CNTN5: variants seen among roughly 807,000 people sequenced by gnomAD.
CNTN5 encodes contactin-5.
Under a neutral mutation model 129.1 loss-of-function variants are expected in CNTN5, and 77 were observed. The observed-to-expected ratio is 0.60, with a 90% CI of 0.50 to 0.72. The LOEUF (loss-of-function observed/expected upper bound fraction) is 0.72, where lower values mean the gene tolerates loss of function less well. Ranked by LOEUF, CNTN5 falls within the 30% of genes least tolerant of loss-of-function variation. The pLI, the probability that CNTN5 is intolerant of heterozygous loss-of-function variation, is 0.00. For missense variants in CNTN5, 1,478 were observed against 1,328.8 expected (o/e 1.11, Z -1.75); for synonymous variants, 509 against 465.6 (o/e 1.09, Z -1.20).
At chr11:99,309,170 ACTTTTT>A (rs993082583) in intron 1 of CNTN5, among the ~76,000 whole-genome samples, 18 of 150,140 alleles carry the variant, frequency 1.2e-4, no homozygotes, top group African/African-American at 4.4e-4. Context: ...AATATCAGTC[ACTTTTT>A]CTTTTTAAAT....
At position 100,351,388 on chromosome 11, in the gene CNTN5, G is replaced by T. The variant is rs74521869; in HGVS notation, c.3199+518G>T. On this transcript the variant is annotated intron_variant, in intron 24 of 24. Transcript: ENST00000524871. ...TGACCCTTATTATATGTCAGGCATG[G>T]TCAAAAGTGCTTTACATACATCATC... Among the ~76,000 whole-genome samples, 115 of 151,300 alleles carry T rather than the reference G, an allele frequency of 7.6e-4. 2 individuals carry two copies. The East Asian group carries it at 0.022, about 29-fold the overall frequency.
chr11:99,398,178 A>T (rs1941623836), intron 2 of CNTN5, among the ~76,000 whole-genome samples: 1 of 151,798 alleles, frequency 6.6e-6, no homozygotes, highest in Non-Finnish European at 1.5e-5. Context: ...CTTTGGACAA[A>T]CTTTAACAAT....
At chr11:99,643,850 AT>A (rs1421968567) in intron 3 of CNTN5, among the ~76,000 whole-genome samples, 2 of 17,188 alleles carry the variant, frequency 1.2e-4, no homozygotes, top group Non-Finnish European at 5.9e-4. Context: ...TTTCAAAATA[AT>A]TTTAATTAAA....
intron 1 of CNTN5, among the ~76,000 whole-genome samples, chr11:99,072,183 C>A (rs889244636): frequency 7.9e-5 from 12 of 152,022 alleles, no homozygotes; most frequent in African/African-American, 2.9e-4. Context: ...GGGAACTTTT[C>A]TTTGGTGATG....
intron 8 of CNTN5, among the ~76,000 whole-genome samples, chr11:99,993,917 A>G (rs1939284305): frequency 6.6e-6 from 1 of 152,214 alleles, no homozygotes. Context: ...AAAACCAGTT[A>G]TAATTTCTTG....
At chr11:100,039,587 C>T (rs1354626392) in intron 9 of CNTN5, among the ~76,000 whole-genome samples, 2 of 152,170 alleles carry the variant, frequency 1.3e-5, no homozygotes, top group African/African-American at 4.8e-5. Flanking sequence ...TCCATTCTCC[C>T]CGTCACTTTC....
intron 3 of CNTN5, among the ~76,000 whole-genome samples, chr11:99,760,945 A>AG (rs1365464096): frequency 2.0e-5 from 3 of 152,136 alleles, no homozygotes; most frequent in Admixed American, 2.0e-4. Context: ...AAAGAAAAAA[A>AG]CGTTTTCTAA....
chr11:99,511,938 G>T (rs180947725), intron 2 of CNTN5, among the ~76,000 whole-genome samples: 1 of 151,992 alleles, frequency 6.6e-6, no homozygotes, highest in African/African-American at 2.4e-5. Flanking sequence ...AATGTTATGA[G>T]TCAAAAAAGT....
chr11:99,960,929 A>T (rs931014845), intron 8 of CNTN5, among the ~76,000 whole-genome samples: 1 of 152,080 alleles, frequency 6.6e-6, no homozygotes, highest in African/African-American at 2.4e-5. Context: ...CAGGCCAGGC[A>T]CCGTGGCTCA....
intron 13 of CNTN5, among the ~76,000 whole-genome samples, chr11:100,152,138 C>A (rs1489870597): frequency 1.3e-5 from 2 of 152,142 alleles, no homozygotes; most frequent in African/African-American, 2.4e-5. Context: ...TGGCTGCCTG[C>A]CTGAATTGTT....
intron 1 of CNTN5, among the ~76,000 whole-genome samples, chr11:99,289,814 T>A (rs865812764): frequency 6.6e-6 from 1 of 151,846 alleles, no homozygotes; most frequent in Non-Finnish European, 1.5e-5. Context: ...GAAATGAATG[T>A]GTTTTCTCAT....
intron 2 of CNTN5, among the ~76,000 whole-genome samples, chr11:99,375,928 C>T (rs1940152237): frequency 6.6e-6 from 1 of 152,106 alleles, no homozygotes; most frequent in South Asian, 2.1e-4. Flanking sequence ...CATATTTAAT[C>T]TACCACAAAT....
chr11:99,133,513 A>G (rs565744295), intron 1 of CNTN5, among the ~76,000 whole-genome samples: 2 of 151,746 alleles, frequency 1.3e-5, no homozygotes, highest in Non-Finnish European at 2.9e-5. Context: ...TCTATCTGAC[A>G]AGGTCTAATA....
At position 99,782,510 on chromosome 11, in the gene CNTN5, G is replaced by A. The variant is rs907728819; in HGVS notation, c.56-37034G>A. ...TTCATATGGAACCAAAAAAGAGCCC[G>A]CATTGCCAAGTCAATCCTAAGCCAA... On this transcript the variant is annotated intron_variant, in intron 3 of 24. Coordinates refer to ENST00000524871, the MANE Select transcript of CNTN5 (RefSeq NM_014361.4). Among the ~76,000 whole-genome samples, 34 of 151,400 alleles carry A rather than the reference G, an allele frequency of 2.2e-4. No individual in the cohort carries two copies. The South Asian group carries it at 2.3e-3, about 10-fold the overall frequency.
At chr11:99,936,656 TG>T (rs1950322185) in intron 7 of CNTN5, among the ~76,000 whole-genome samples, 1 of 152,166 alleles carries the variant, frequency 6.6e-6, no homozygotes, top group African/African-American at 2.4e-5. Context: ...TCAGGGCATA[TG>T]GGGAGTAATA....
chr11:99,581,941 C>G (rs1312023122), intron 3 of CNTN5, among the ~76,000 whole-genome samples: 1 of 152,038 alleles, frequency 6.6e-6, no homozygotes, highest in East Asian at 1.9e-4. Context: ...TACAATTTGG[C>G]ATGTTTTTGC....
intron 7 of CNTN5, among the ~76,000 whole-genome samples, chr11:99,919,214 C>T (rs1171544603): frequency 1.3e-5 from 2 of 151,790 alleles, no homozygotes; most frequent in African/African-American, 4.8e-5. Flanking sequence ...TATAGTATAG[C>T]ATATGCATTT....
chr11:99,040,716 C>A (rs1863952267), intron 1 of CNTN5, among the ~76,000 whole-genome samples: 1 of 152,084 alleles, frequency 6.6e-6, no homozygotes, highest in Non-Finnish European at 1.5e-5. Flanking sequence ...AGTAGTGTTT[C>A]AACCTTACTC....
At chr11:99,128,349 A>T (rs779006783) in intron 1 of CNTN5, among the ~76,000 whole-genome samples, 3 of 152,194 alleles carry the variant, frequency 2.0e-5, no homozygotes. Context: ...TACTCCCCAC[A>T]GCGTAGCACA....
Sources: allele counts gnomAD v4.1 joint callset (sites outside exome capture counted in the v4.1 genomes callset), GRCh38; gene constraint gnomAD v4.1.1; transcripts MANE v1.5; gene names NCBI Gene and HGNC (gene_info 2026-07-23, HGNC 2026-07-21).